LIPF: variants seen among roughly 807,000 people sequenced by gnomAD.
The protein encoded by LIPF is gastric triacylglycerol lipase.
In LIPF, 25 loss-of-function variants were observed where a neutral mutation model predicts 38.0. The ratio of observed to expected loss-of-function variants is 0.66; its 90% confidence interval spans 0.48 to 0.92. LIPF has a LOEUF of 0.92. LIPF is among the 40% of genes least tolerant of loss of function. LIPF has a pLI of 0.00. For missense variants in LIPF, 410 were observed against 469.9 expected (o/e 0.87, Z 1.18); for synonymous variants, 161 against 156.2 (o/e 1.03, Z -0.23).
Position 88,671,969 on chromosome 10 carries a change from T to G in LIPF, c.669+4T>G. 2 of 1,603,782 alleles carry G rather than the reference T, an allele frequency of 1.2e-6. No individual in the cohort carries two copies. Among genetic ancestry groups the G allele is most frequent in the South Asian group, 2.3e-5 (2 of 88,372 alleles). ...TGTTCCTCAATCCCTCTTCAAGGTA[T>G]GCAATTCTCTTTAATTAAGTGAATC... On this transcript the variant is annotated splice_donor_region_variant and intron_variant, in intron 6 of 9. Coordinates refer to ENST00000238983, the MANE Select transcript of LIPF (RefSeq NM_004190.4).
chr10:88,667,189 C>T (rs538519515), intron 1 of LIPF, 98 bp from the exon 2 acceptor site: 132 of 628,616 alleles, frequency 2.1e-4, no homozygotes, highest in Non-Finnish European at 3.2e-4. Flanking sequence ...CAAACCCAAG[C>T]ATTCCTCTAC....
intron 7 of LIPF, among the ~76,000 whole-genome samples, chr10:88,674,317 C>A (rs1048470020): frequency 2.6e-5 from 4 of 152,096 alleles, no homozygotes; most frequent in African/African-American, 4.8e-5. Context: ...TACAGGCGCC[C>A]GCCACCACGC....
chr10:88,668,448 A>C (rs1841546475), intron 3 of LIPF, 110 bp from the exon 4 acceptor site: 1 of 903,202 alleles, frequency 1.1e-6, no homozygotes, highest in Non-Finnish European at 1.7e-6. Flanking sequence ...TAATCAACTC[A>C]ATCAGGCAAA....
intron 9 of LIPF, among the ~76,000 whole-genome samples, chr10:88,677,555 T>C (rs1018227269): frequency 6.6e-6 from 1 of 152,226 alleles, no homozygotes; most frequent in Non-Finnish European, 1.5e-5. Context: ...CCCTTTTCTC[T>C]AATATTTAGG....
At chr10:88,672,670 A>ACTCTCTCTCT (rs60719768) in intron 6 of LIPF, among the ~76,000 whole-genome samples, 61 of 110,548 alleles carry the variant, frequency 5.5e-4, no homozygotes, top group African/African-American at 1.8e-3. Context: ...ACACACACAC[A>ACTCTCTCTCT]CTCTCTCTCT....
intron 9 of LIPF, among the ~76,000 whole-genome samples, chr10:88,678,025 C>A (rs1444546563): frequency 6.6e-6 from 1 of 152,146 alleles, no homozygotes; most frequent in East Asian, 1.9e-4. Context: ...GTAGAAACAA[C>A]CTATTAACAA....
rs764226044 is a variant in LIPF, at chr10:88,669,944, T to C, written c.530T>C (p.Ile177Thr). ...GTTGGCCATTCCCAGGGCACCACCA[T>C]TGGTAAGTAATGGCAGTCAAGGCCA... ...HYVGHSQGTT[I>T]GFIAFSTNPS... is the part of the protein sequence containing the mutation. Residue 177 changes from isoleucine (I) to threonine (T), a missense_variant and splice_region_variant, in exon 5 of 10, where the codon ATT becomes ACT. Physicochemically the swap from Ile to Thr is moderately conservative, Grantham distance 89. Transcript: ENST00000238983. 81 of 1,602,112 alleles carry C rather than the reference T, an allele frequency of 5.1e-5. No individual in the cohort carries two copies. Among genetic ancestry groups the C allele is most frequent in the Non-Finnish European group, 6.2e-5 (73 of 1,170,390 alleles).
In LIPF at chr10:88,675,647, A is replaced by C. The variant is rs780280899; in HGVS notation, c.878A>C (p.His293Pro). 1 of 1,609,646 alleles carries C rather than the reference A, an allele frequency of 6.2e-7. No homozygotes were observed. Among genetic ancestry groups the C allele is most frequent in the South Asian group, 1.1e-5 (1 of 90,972 alleles). The change falls in exon 8 of 10, where the codon CAT (histidine) becomes CCT (proline). Residue 293 changes from histidine to proline, a missense_variant. Coordinates refer to ENST00000238983, the MANE Select transcript of LIPF (RefSeq NM_004190.4). ...GGAACTTCTGTTCAAAACATGTTCC[A>C]TTGGACCCAGGTATTCTTTTCCAAA... ...PAGTSVQNMFHWTQAVKSGKF... is the reference protein window; with the variant it reads ...PAGTSVQNMFPWTQAVKSGKF...
chr10:88,668,496 C>A, intron 3 of LIPF, 62 bp from the exon 4 acceptor site: 4 of 1,430,838 alleles, frequency 2.8e-6, no homozygotes, highest in South Asian at 1.2e-5. Flanking sequence ...CTGTTTCTAG[C>A]CTCACATTTA....
Position 88,668,774 on chromosome 10 carries a change from T to C in LIPF, c.422+18T>C, listed in dbSNP as rs1298747557. 4 of 1,606,076 alleles carry C rather than the reference T, an allele frequency of 2.5e-6. No homozygotes were observed. The highest frequency in any genetic ancestry group is 3.4e-6 in the Non-Finnish European group (4 of 1,173,546). The stretch of plus-strand genomic sequence containing the variant: ...GCTTTCAGGTAAACAAAAGGGACAA[T>C]TAAAAATAAACACTGGGCTTTAAAA... On this transcript the variant is annotated intron_variant, in intron 4 of 9. Transcript: ENST00000238983.
At chr10:88,667,536 C>A (rs924364515) in intron 2 of LIPF, 33 bp from the exon 3 acceptor site, 3 of 1,263,138 alleles carry the variant, frequency 2.4e-6, no homozygotes, top group Admixed American at 1.9e-5. Flanking sequence ...TAAAAATCAA[C>A]TAAAATTTAA....
At position 88,667,572 on chromosome 10, in the gene LIPF, C is replaced by G; in HGVS notation, c.109C>G (p.Gln37Glu). 6.5e-7 allele frequency: 1 copy of G among 1,540,886 alleles called. No individual in the cohort carries two copies. Among genetic ancestry groups the G allele is most frequent in the East Asian group, 2.3e-5 (1 of 44,384 alleles). Residue 37 changes from glutamine (Q) to glutamate (E), a missense_variant, in exon 3 of 10, where the codon CAG becomes GAG. By Grantham distance (29) the Gln-to-Glu change is conservative. Transcript: ENST00000238983. ...ACTTTTGGGTTTGCTTCCTCAGAGT[C>G]AGATGATTACTTATTGGGGATACCC... is the stretch of plus-strand genomic sequence containing the variant. Reference protein sequence around the residue: ...GSPEVTMNISQMITYWGYPNE... With the variant: ...GSPEVTMNISEMITYWGYPNE...
chr10:88,667,908 T>C (rs984747469), intron 3 of LIPF, among the ~76,000 whole-genome samples: 4 of 152,122 alleles, frequency 2.6e-5, no homozygotes, highest in Non-Finnish European at 1.5e-5. Context: ...GCCAATGAAA[T>C]AGATAAGTAA....
chr10:88,675,185 C>A (rs1283347203), intron 7 of LIPF, among the ~76,000 whole-genome samples: 1 of 152,146 alleles, frequency 6.6e-6, no homozygotes, highest in African/African-American at 2.4e-5. Flanking sequence ...TTCTGCAAAG[C>A]AAGAGGCCTG....
chr10:88,667,533 C>A (rs1488614713), intron 2 of LIPF, 36 bp from the exon 3 acceptor site: 2 of 1,225,966 alleles, frequency 1.6e-6, no homozygotes, highest in South Asian at 2.6e-5. Context: ...ATCTAAAAAT[C>A]AACTAAAATT....
At chr10:88,667,152 T>G (rs1008881812) in intron 1 of LIPF, 135 bp from the exon 2 acceptor site, 1 of 552,684 alleles carries the variant, frequency 1.8e-6, no homozygotes, top group Non-Finnish European at 3.2e-6. Flanking sequence ...TCCATATGTC[T>G]CATTTTATTG....
At chr10:88,673,946 A>T (rs571996363) in intron 7 of LIPF, among the ~76,000 whole-genome samples, 26 of 152,304 alleles carry the variant, frequency 1.7e-4, no homozygotes, top group Admixed American at 1.7e-3. Context: ...AATAAACAAC[A>T]TGAAGAAAAA....
chr10:88,667,642 A>C lies in LIPF; in HGVS notation c.179A>C (p.Glu60Ala). The C allele has an allele frequency of 6.3e-7, 1 of 1,587,456 alleles. No homozygotes were observed. Among genetic ancestry groups the C allele is most frequent in the Non-Finnish European group, 8.6e-7 (1 of 1,156,558 alleles). The change falls in exon 3 of 10, where the codon GAA becomes GCA. Residue 60 changes from glutamate to alanine, a missense_variant. By Grantham distance (107) the Glu-to-Ala change is moderately radical. Coordinates refer to ENST00000238983, the MANE Select transcript of LIPF (RefSeq NM_004190.4). ...EVVTEDGYILEVNRIPYGKKN... is the reference protein window; with the variant it reads ...EVVTEDGYILAVNRIPYGKKN... ...GTGACTGAAGATGGTTATATTCTTG[A>C]AGTCAATAGAATTCCTTATGGGAAG...
chr10:88,675,604 C>T lies in LIPF; in HGVS notation c.835C>T (p.Leu279=), dbSNP rs1841673076. 4 of 1,457,258 alleles carry T rather than the reference C, an allele frequency of 2.7e-6. No homozygotes were observed. Among genetic ancestry groups the T allele is most frequent in the Non-Finnish European group, 3.8e-6 (4 of 1,054,394 alleles). 90.3% of individuals were successfully genotyped at this position (1,457,258 alleles called of 1,614,324 possible). A position where few individuals can be genotyped will look rare whatever the true frequency, so the allele number is the denominator to read the frequency against. The change falls in exon 8 of 10, where the codon CTA becomes TTA. Residue 279 remains leucine, a synonymous_variant. Transcript: ENST00000238983. ...NFNTSRLDVY[L]SHNPAGTSVQ... is the part of the protein sequence containing the mutation. Reference sequence around the variant, plus strand: ...TTTCTAGAGTCGCTTGGATGTGTATCTATCACATAATCCAGCAGGAACTTC... The same window carrying T: ...TTTCTAGAGTCGCTTGGATGTGTATTTATCACATAATCCAGCAGGAACTTC...
Sources: gnomAD v4.1 joint callset for allele counts (sites outside exome capture counted in the v4.1 genomes callset) on GRCh38, gnomAD v4.1.1 for gene constraint, MANE v1.5 for transcripts, NCBI Gene and HGNC (gene_info 2026-07-23, HGNC 2026-07-21) for gene names.